The following TMEM131 variants were observed in gnomAD, a reference collection of about 807,000 sequenced individuals.
The protein encoded by TMEM131 is transmembrane protein 131, also known as 2610524E03Rik.
Under a neutral mutation model 211.6 loss-of-function variants are expected in TMEM131, and 66 were observed. The observed-to-expected ratio is 0.31, with a 90% CI of 0.26 to 0.38. TMEM131 has a LOEUF of 0.38. Among genes scored for constraint, TMEM131 ranks in the 10% least tolerant of loss-of-function variants. The pLI is 1.00. For missense variants in TMEM131, 2,036 were observed against 2,299.3 expected (o/e 0.89, Z 2.34); for synonymous variants, 844 against 841.3 (o/e 1.00, Z -0.06).
chr2:97,836,254 A>C (rs1682935500), intron 8 of TMEM131, among the ~76,000 whole-genome samples: 1 of 152,226 alleles, frequency 6.6e-6, no homozygotes, highest in Admixed American at 6.5e-5. Flanking sequence ...CATAATCTCC[A>C]CATCTCTTCT....
chr2:97,959,517 C>G lies in TMEM131; in HGVS notation c.188-32030G>C, dbSNP rs571880152. ...TTGTTTCAGCACATTCTCCCTTTCT[C>G]TCTCTCTCATATATATGAGAAAAAA... On this transcript the variant is annotated intron_variant, in intron 1 of 40. Transcript: ENST00000186436. Among the ~76,000 whole-genome samples the G allele has an allele frequency of 2.0e-5, 3 of 152,046 alleles. No individual in the cohort carries two copies. The East Asian group carries it at 5.8e-4, about 29-fold the overall frequency.
At chr2:97,780,063 A>C (rs915505535) in intron 31 of TMEM131, among the ~76,000 whole-genome samples, 2 of 152,080 alleles carry the variant, frequency 1.3e-5, no homozygotes, top group African/African-American at 2.4e-5. Flanking sequence ...ACAAACAAAA[A>C]AAAACAAAAA....
chr2:97,886,023 C>T (rs1377822318), intron 4 of TMEM131, among the ~76,000 whole-genome samples: 1 of 151,872 alleles, frequency 6.6e-6, no homozygotes, highest in Non-Finnish European at 1.5e-5. Context: ...TTCAGAAATT[C>T]TTTCTTCTGC....
intron 4 of TMEM131, among the ~76,000 whole-genome samples, chr2:97,878,506 A>G (rs1674788077): frequency 6.6e-6 from 1 of 152,264 alleles, no homozygotes; most frequent in Non-Finnish European, 1.5e-5. Flanking sequence ...AACATGGAAT[A>G]CTATGCAGCC....
At chr2:97,995,147 GAA>G (rs1419163062) in intron 1 of TMEM131, among the ~76,000 whole-genome samples, 1 of 152,238 alleles carries the variant, frequency 6.6e-6, no homozygotes, top group African/African-American at 2.4e-5. Context: ...CAAGAAAACA[GAA>G]GTGTCCTAAA....
At chr2:97,770,079 G>A (rs1679392149) in intron 33 of TMEM131, among the ~76,000 whole-genome samples, 1 of 152,098 alleles carries the variant, frequency 6.6e-6, no homozygotes, top group East Asian at 1.9e-4. Flanking sequence ...TCAGACATGT[G>A]GGGTTATATA....
intron 19 of TMEM131, 29 bp from the exon 20 acceptor site, chr2:97,805,732 ATT>A: frequency 6.4e-7 from 1 of 1,556,752 alleles, no homozygotes; most frequent in African/African-American, 1.4e-5. Flanking sequence ...GAACAAACTC[ATT>A]TGTATATGGT....
intron 31 of TMEM131, among the ~76,000 whole-genome samples, chr2:97,782,418 T>C (rs575555650): frequency 7.2e-5 from 11 of 152,168 alleles, no homozygotes; most frequent in Non-Finnish European, 1.3e-4. Context: ...TCTCAGAACA[T>C]TAATACCCAA....
chr2:97,776,962 T>C (rs186477709), intron 31 of TMEM131, among the ~76,000 whole-genome samples: 27 of 152,314 alleles, frequency 1.8e-4, no homozygotes, highest in African/African-American at 6.0e-4. Context: ...TGTATATATA[T>C]GGACAGAGAG....
chr2:97,838,756 T>G (rs999757766), intron 7 of TMEM131, among the ~76,000 whole-genome samples: 21 of 152,302 alleles, frequency 1.4e-4, no homozygotes, highest in Non-Finnish European at 2.8e-4. Flanking sequence ...TAAAGGTTTT[T>G]TTTGTTTGTT....
intron 5 of TMEM131, among the ~76,000 whole-genome samples, chr2:97,851,808 C>T (rs1673637733): frequency 6.6e-6 from 1 of 152,218 alleles, no homozygotes; most frequent in Non-Finnish European, 1.5e-5. Context: ...CTCCCTTCCT[C>T]TCCTCAAGCT....
intron 1 of TMEM131, among the ~76,000 whole-genome samples, chr2:97,953,408 T>G (rs886408318): frequency 6.6e-6 from 1 of 152,168 alleles, no homozygotes; most frequent in African/African-American, 2.4e-5. Flanking sequence ...ACAGATAAGG[T>G]AGATTTCAGA....
intron 12 of TMEM131, 37 bp from the exon 13 acceptor site, chr2:97,815,344 T>C (rs547254307): frequency 7.6e-7 from 1 of 1,321,888 alleles, no homozygotes; most frequent in Non-Finnish European, 1.0e-6. Context: ...CTGTTACCTT[T>C]TACTACCAAA....
Position 97,759,817 on chromosome 2 carries a change from T to C in TMEM131, c.5109-68A>G. 3 of 1,124,854 alleles carry C rather than the reference T, an allele frequency of 2.7e-6. No individual in the cohort carries two copies. The South Asian group carries it at 4.0e-5, about 15-fold the overall frequency. The allele number at this position is 1,124,854 out of a possible 1,614,324, so 69.7% of individuals were successfully genotyped here. On this transcript the variant is annotated intron_variant, in intron 38 of 40. Coordinates refer to ENST00000186436, the MANE Select transcript of TMEM131 (RefSeq NM_015348.2). ...GTGGTTAGTGCAAACGGATCCATAG[T>C]GCACAGCTTCACAAACAGGAGACAC...
In TMEM131 at chr2:97,881,447, A is replaced by G. The variant is rs539131736; in HGVS notation, c.359+6605T>C. Among the ~76,000 whole-genome samples, 6 of 151,804 alleles carry G rather than the reference A, an allele frequency of 4.0e-5. No individual in the cohort carries two copies. The South Asian group carries it at 1.3e-3, about 32-fold the overall frequency. The stretch of plus-strand genomic sequence containing the variant: ...GGTCTCAAACTCTTGAGCTCAAGCA[A>G]TCCTCCCACCTCGGCCTCCCATAGG... On this transcript the variant is annotated intron_variant, in intron 4 of 40. Coordinates refer to ENST00000186436, the MANE Select transcript of TMEM131 (RefSeq NM_015348.2).
chr2:97,820,676 G>T (rs1010415043), intron 11 of TMEM131, among the ~76,000 whole-genome samples: 2 of 152,112 alleles, frequency 1.3e-5, no homozygotes, highest in Non-Finnish European at 2.9e-5. Flanking sequence ...GGACAAGATG[G>T]TGAAAGCTCG....
chr2:97,824,735 CT>C (rs1302001825), intron 11 of TMEM131, among the ~76,000 whole-genome samples: 1 of 152,222 alleles, frequency 6.6e-6, no homozygotes, highest in African/African-American at 2.4e-5. Flanking sequence ...GACTCCACTA[CT>C]TTTCCTTATC....
chr2:97,923,806 A>G (rs1676856412), intron 2 of TMEM131, among the ~76,000 whole-genome samples: 1 of 152,130 alleles, frequency 6.6e-6, no homozygotes, highest in African/African-American at 2.4e-5. Context: ...AAGTTAGATT[A>G]GGCCGGGCGC....
intron 2 of TMEM131, among the ~76,000 whole-genome samples, chr2:97,909,754 G>T (rs964161917): frequency 6.6e-6 from 1 of 152,006 alleles, no homozygotes; most frequent in African/African-American, 2.4e-5. Context: ...AAAGTGTAAG[G>T]GTGTCCTTAA....
Sources: allele counts gnomAD v4.1 joint callset (sites outside exome capture counted in the v4.1 genomes callset), GRCh38; gene constraint gnomAD v4.1.1; transcripts MANE v1.5; gene names NCBI Gene and HGNC (gene_info 2026-07-23, HGNC 2026-07-21).